The following AOPEP variants were observed in gnomAD, a reference collection of about 807,000 sequenced individuals.
The protein encoded by AOPEP is aminopeptidase O (putative).
In AOPEP, 77 loss-of-function variants were observed where a neutral mutation model predicts 98.1. The ratio of observed to expected loss-of-function variants is 0.78; its 90% confidence interval spans 0.65 to 0.95. The LOEUF (loss-of-function observed/expected upper bound fraction) is 0.95, where lower values mean the gene tolerates loss of function less well. Ranked by LOEUF, AOPEP falls within the 40% of genes least tolerant of loss-of-function variation. The pLI is 0.00. For synonymous variants in AOPEP, 346 were observed against 365.3 expected (o/e 0.95, Z 0.60); for missense variants, 1,024 against 1,024.7 (o/e 1.00, Z 0.01).
intron 10 of AOPEP, among the ~76,000 whole-genome samples, chr9:94,977,435 T>C (rs1055572743): frequency 1.3e-5 from 2 of 152,110 alleles, no homozygotes; most frequent in Non-Finnish European, 2.9e-5. Context: ...TTGGTGTTTC[T>C]CTCTAGCTGG....
the AOPEP span, chr9:95,149,804 A>G: frequency 8.7e-7 from 1 of 1,147,912 alleles, no homozygotes; most frequent in Non-Finnish European, 1.3e-6. Context: ...TTTTAAGAGT[A>G]TAAAGGGTAC....
chr9:95,004,114 A>G (rs2061743413), intron 11 of AOPEP: 1 of 402,536 alleles, frequency 2.5e-6, no homozygotes, highest in African/African-American at 2.1e-5. Flanking sequence ...GATTTTCTTT[A>G]AAGAAATGTG....
At chr9:94,743,077 T>C (rs1007138308) in intron 1 of AOPEP, among the ~76,000 whole-genome samples, 2 of 152,066 alleles carry the variant, frequency 1.3e-5, no homozygotes, top group African/African-American at 4.8e-5. Context: ...GAGACAGGCA[T>C]GTAAGAAGAG....
chr9:94,885,945 A>G (rs2048191640), intron 5 of AOPEP, among the ~76,000 whole-genome samples: 1 of 152,192 alleles, frequency 6.6e-6, no homozygotes. Context: ...GGGCAGTGCC[A>G]GAAGATCGCA....
chr9:95,018,498 T>C (rs2063190914), intron 13 of AOPEP, among the ~76,000 whole-genome samples: 1 of 152,260 alleles, frequency 6.6e-6, no homozygotes, highest in South Asian at 2.1e-4. Context: ...AATGAGTCAC[T>C]GAGCCTAGAA....
At chr9:94,829,651 T>C (rs941546129) in intron 5 of AOPEP, among the ~76,000 whole-genome samples, 18 of 152,152 alleles carry the variant, frequency 1.2e-4, no homozygotes, top group African/African-American at 3.9e-4. Context: ...CAAAACACCC[T>C]TGTGAGTCCC....
intron 1 of AOPEP, among the ~76,000 whole-genome samples, chr9:94,731,309 G>A (rs1830474674): frequency 6.6e-6 from 1 of 151,644 alleles, no homozygotes; most frequent in Admixed American, 6.6e-5. Context: ...CTCACTGCGA[G>A]CTCTGCCTCC....
chr9:94,870,234 CCCGCCT>C (rs1158430446), intron 5 of AOPEP, among the ~76,000 whole-genome samples: 3 of 152,130 alleles, frequency 2.0e-5, no homozygotes, highest in Non-Finnish European at 4.4e-5. Context: ...AGGTGATCTG[CCCGCCT>C]CCGCCTCCCA....
chr9:95,138,454 G>A, the AOPEP span, among the ~76,000 whole-genome samples: 1 of 152,252 alleles, frequency 6.6e-6, no homozygotes, highest in African/African-American at 2.4e-5. Flanking sequence ...ACACCCCTGG[G>A]TGTGGAGAGG....
At chr9:94,868,710 C>T (rs1183534621) in intron 5 of AOPEP, among the ~76,000 whole-genome samples, 1 of 152,198 alleles carries the variant, frequency 6.6e-6, no homozygotes, top group South Asian at 2.1e-4. Flanking sequence ...CTTGTGACTA[C>T]ACAGGCCAAT....
intron 3 of AOPEP, among the ~76,000 whole-genome samples, chr9:94,787,872 G>A (rs1053917326): frequency 3.3e-5 from 5 of 151,798 alleles, no homozygotes; most frequent in African/African-American, 1.2e-4. Flanking sequence ...ACCTCTTTCG[G>A]CTGATTACTT....
At chr9:94,773,840 AC>A (rs1841436369) in intron 3 of AOPEP, among the ~76,000 whole-genome samples, 1 of 152,110 alleles carries the variant, frequency 6.6e-6, no homozygotes, top group Admixed American at 6.5e-5. Flanking sequence ...ATAACGGCTC[AC>A]CGTGGCCTTG....
chr9:94,888,001 C>T (rs1248913640), intron 5 of AOPEP, among the ~76,000 whole-genome samples: 2 of 151,816 alleles, frequency 1.3e-5, no homozygotes, highest in African/African-American at 4.8e-5. Flanking sequence ...TTTGCTTTGA[C>T]TATTGAAAAT....
intron 1 of AOPEP, among the ~76,000 whole-genome samples, chr9:94,753,482 T>C (rs571350115): frequency 2.0e-5 from 3 of 152,312 alleles, no homozygotes; most frequent in Admixed American, 2.0e-4. Context: ...AGGCATTGAT[T>C]GTGTAAGTTA....
chr9:94,845,677 G>A (rs2042774414), intron 5 of AOPEP, among the ~76,000 whole-genome samples: 1 of 152,146 alleles, frequency 6.6e-6, no homozygotes, highest in Admixed American at 6.5e-5. Context: ...GGAGTGGTTT[G>A]TGTCTAAGAT....
At chr9:95,068,668 T>C (rs931698616) in intron 14 of AOPEP, among the ~76,000 whole-genome samples, 2 of 152,238 alleles carry the variant, frequency 1.3e-5, no homozygotes, top group Non-Finnish European at 2.9e-5. Context: ...TCCTTTGTTT[T>C]GTTGAAAATC....
chr9:94,996,498 C>T (rs984751048), intron 11 of AOPEP, among the ~76,000 whole-genome samples: 1 of 152,054 alleles, frequency 6.6e-6, no homozygotes, highest in Admixed American at 6.5e-5. Flanking sequence ...TATAACAAGC[C>T]ACACAGTCTG....
At chr9:94,890,025 ATT>A (rs554356502) in intron 5 of AOPEP, among the ~76,000 whole-genome samples, 32 of 134,016 alleles carry the variant, frequency 2.4e-4, no homozygotes, top group African/African-American at 2.7e-4. Context: ...GTATTACTTG[ATT>A]TTTTTTTTTT....
intron 13 of AOPEP, among the ~76,000 whole-genome samples, chr9:95,025,587 T>C (rs2063777596): frequency 6.6e-6 from 1 of 152,260 alleles, no homozygotes; most frequent in Non-Finnish European, 1.5e-5. Flanking sequence ...TCTTAGATTA[T>C]TGGGCATGGG....
Sources: gnomAD v4.1 joint callset for allele counts (sites outside exome capture counted in the v4.1 genomes callset) on GRCh38, gnomAD v4.1.1 for gene constraint, MANE v1.5 for transcripts, NCBI Gene and HGNC (gene_info 2026-07-23, HGNC 2026-07-21) for gene names.